CHLSN: variants seen among roughly 807,000 people sequenced by gnomAD.
CHLSN encodes the protein cholesin.
At chr7:1,136,391 T>TATATAA in the CHLSN span, among the ~76,000 whole-genome samples, 1 of 28,762 alleles carries the variant, frequency 3.5e-5, no homozygotes, top group African/African-American at 3.0e-4. Context: ...TATATAAACA[T>TATATAA]ATATATAAAT....
At chr7:1,045,912 T>C in the CHLSN span, 1 of 152,242 alleles carries the variant, frequency 6.6e-6, no homozygotes, top group African/African-American at 2.4e-5. Flanking sequence ...CATGGACATA[T>C]CCTGAGGATG....
At chr7:1,076,794 C>T in the CHLSN span, among the ~76,000 whole-genome samples, 1 of 152,262 alleles carries the variant, frequency 6.6e-6, no homozygotes, top group African/African-American at 2.4e-5. Flanking sequence ...GGGAGGAGAG[C>T]ATGGGGACTT....
the CHLSN span, among the ~76,000 whole-genome samples, chr7:1,046,885 C>G: frequency 0.36 from 54,336 of 152,050 alleles, 9,867 homozygotes; most frequent in Middle Eastern, 0.44. Flanking sequence ...CCCTGGGAAA[C>G]AACCAAGGTG....
chr7:1,022,868 G>A, the CHLSN span: 11 of 369,594 alleles, frequency 3.0e-5, no homozygotes, highest in East Asian at 4.8e-4. Context: ...CCACGCATAC[G>A]AGTCCAGGGG....
At chr7:1,070,790 C>G in the CHLSN span, among the ~76,000 whole-genome samples, 1 of 144,108 alleles carries the variant, frequency 6.9e-6, no homozygotes, top group African/African-American at 2.8e-5. Flanking sequence ...CACACGGACA[C>G]GCACGTGCAC....
the CHLSN span, among the ~76,000 whole-genome samples, chr7:1,054,004 G>A: frequency 1.4e-4 from 22 of 152,178 alleles, no homozygotes; most frequent in African/African-American, 4.8e-4. Context: ...CCACCCAGGC[G>A]TGGCCGAGGA....
chr7:1,125,665 A>G, the CHLSN span, among the ~76,000 whole-genome samples: 4 of 152,250 alleles, frequency 2.6e-5, no homozygotes, highest in African/African-American at 9.6e-5. Context: ...AAGGGCGCTC[A>G]GCACTGAAAT....
the CHLSN span, among the ~76,000 whole-genome samples, chr7:1,094,211 C>T: frequency 2.0e-5 from 3 of 152,220 alleles, no homozygotes; most frequent in African/African-American, 4.8e-5. Flanking sequence ...CTCCCATCAC[C>T]GGGGCTGGAT....
At chr7:1,093,890 T>TC in the CHLSN span, 1 of 329,470 alleles carries the variant, frequency 3.0e-6, no homozygotes, top group Admixed American at 3.9e-5. Context: ...GGAGAATCCC[T>TC]CCCCCCTCAC....
chr7:1,037,602 A>C, the CHLSN span, among the ~76,000 whole-genome samples: 3 of 145,366 alleles, frequency 2.1e-5, no homozygotes, highest in South Asian at 2.3e-4. Context: ...ACTACAACCT[A>C]CACCTCCCAG....
At chr7:1,008,439 C>T in the CHLSN span, among the ~76,000 whole-genome samples, 1 of 152,214 alleles carries the variant, frequency 6.6e-6, no homozygotes, top group African/African-American at 2.4e-5. Context: ...CAAGAAAGAG[C>T]TCTTGGGGTA....
the CHLSN span, among the ~76,000 whole-genome samples, chr7:1,071,797 C>T: frequency 2.6e-5 from 4 of 152,188 alleles, no homozygotes; most frequent in Admixed American, 2.6e-4. Flanking sequence ...TGCCTGCGGG[C>T]GACACCACAT....
chr7:1,030,892 G>T, the CHLSN span, among the ~76,000 whole-genome samples: 3 of 152,192 alleles, frequency 2.0e-5, no homozygotes, highest in Admixed American at 6.5e-5. Context: ...CAGGTGCAAG[G>T]CTGCTTACTG....
At chr7:1,088,100 A>G in the CHLSN span, 3 of 152,334 alleles carry the variant, frequency 2.0e-5, no homozygotes, top group Non-Finnish European at 4.4e-5. This position sits in a 1 kb window ranked among gnomAD's most constrained non-coding sequence, Gnocchi z 4.5. Context: ...GCCCTGTGCC[A>G]AGGGGCAGAC....
chr7:1,085,033 C>A, the CHLSN span, among the ~76,000 whole-genome samples: 1 of 152,220 alleles, frequency 6.6e-6, no homozygotes, highest in Non-Finnish European at 1.5e-5. Context: ...AGCACAAGGA[C>A]TGGGCTTTGC....
the CHLSN span, among the ~76,000 whole-genome samples, chr7:1,023,676 C>CACACACA: frequency 8.9e-6 from 1 of 112,224 alleles, no homozygotes; most frequent in Admixed American, 8.9e-5. The surrounding 1 kb of genome is among the most constrained non-coding windows in gnomAD (Gnocchi z 5.0). Context: ...CACACACACA[C>CACACACA]ACCAGCAACG....
the CHLSN span, among the ~76,000 whole-genome samples, chr7:1,051,518 G>A: frequency 6.6e-6 from 1 of 152,156 alleles, no homozygotes; most frequent in East Asian, 1.9e-4. Context: ...CTCCTCTCCT[G>A]TCCACTGCTG....
At chr7:1,050,710 G>A in the CHLSN span, among the ~76,000 whole-genome samples, 2 of 152,226 alleles carry the variant, frequency 1.3e-5, no homozygotes. Flanking sequence ...GGTCTTGGAA[G>A]AAAAGACCCC....
the CHLSN span, among the ~76,000 whole-genome samples, chr7:1,101,898 G>A: frequency 6.6e-6 from 1 of 152,328 alleles, no homozygotes; most frequent in African/African-American, 2.4e-5. Flanking sequence ...GTCTTGGCTC[G>A]CTGGGCCACC....
Sources: gnomAD v4.1 joint callset for allele counts (sites outside exome capture counted in the v4.1 genomes callset) on GRCh38, gnomAD v4.1.1 for gene constraint, Gnocchi (gnomAD v3.1) non-coding constraint, MANE v1.5 for transcripts, NCBI Gene and HGNC (gene_info 2026-07-23, HGNC 2026-07-21) for gene names.